The following ALG6 variants were observed in gnomAD, a reference collection of about 807,000 sequenced individuals.
ALG6 encodes ALG6 alpha-1,3-glucosyltransferase.
Under a neutral mutation model 66.6 loss-of-function variants are expected in ALG6, and 46 were observed. The observed-to-expected ratio is 0.69, with a 90% CI of 0.55 to 0.88. The LOEUF (loss-of-function observed/expected upper bound fraction) is 0.88. Among genes scored for constraint, ALG6 ranks in the 40% least tolerant of loss-of-function variants. The pLI, the probability that ALG6 is intolerant of heterozygous loss-of-function variation, is 0.00. For missense variants in ALG6, 505 were observed against 586.8 expected (o/e 0.86, Z 1.44); for synonymous variants, 185 against 203.7 (o/e 0.91, Z 0.78).
At chr1:63,425,086 T>G (rs945338447) in intron 12 of ALG6, among the ~76,000 whole-genome samples, 1 of 152,140 alleles carries the variant, frequency 6.6e-6, no homozygotes, top group Non-Finnish European at 1.5e-5. Flanking sequence ...AGTTGAGTTT[T>G]TATATATGGT....
At chr1:63,411,449 T>G in intron 8 of ALG6, 118 bp downstream of exon 8, 1 of 967,722 alleles carries the variant, frequency 1.0e-6, no homozygotes, top group Non-Finnish European at 1.5e-6. Context: ...ATAAATATTT[T>G]GGCTGTAGGG....
At chr1:63,423,809 A>C (rs1004834860) in intron 12 of ALG6, among the ~76,000 whole-genome samples, 2 of 152,154 alleles carry the variant, frequency 1.3e-5, no homozygotes, top group Non-Finnish European at 2.9e-5. Context: ...ATTCATGTAC[A>C]AGTTTTTGTT....
At chr1:63,372,387 A>G (rs1351052343) in intron 2 of ALG6, among the ~76,000 whole-genome samples, 1 of 152,122 alleles carries the variant, frequency 6.6e-6, no homozygotes, top group Non-Finnish European at 1.5e-5. Flanking sequence ...ACAGACACAC[A>G]TTTACTCTCT....
chr1:63,369,615 GCAAAGCTC>G (rs1429362610), intron 1 of ALG6, among the ~76,000 whole-genome samples: 5 of 149,742 alleles, frequency 3.3e-5, no homozygotes, highest in Admixed American at 2.7e-4. Context: ...GGCAACAAGA[GCAAAGCTC>G]CATCTCAAAA....
At chr1:63,400,626 C>T (rs1464927342) in intron 3 of ALG6, among the ~76,000 whole-genome samples, 1 of 151,784 alleles carries the variant, frequency 6.6e-6, no homozygotes, top group Non-Finnish European at 1.5e-5. Flanking sequence ...TTTTACTCAT[C>T]TCCAGTGGAT....
chr1:63,414,126 T>C lies in ALG6; in HGVS notation c.882T>C (p.Arg294=), dbSNP rs145894044. The C allele has an allele frequency of 4.3e-5, 69 of 1,610,660 alleles. No individual in the cohort carries two copies. In the African/African-American group the frequency reaches 6.8e-4, roughly 16 times the overall value. The change falls in exon 10 of 15, where the codon CGT becomes CGC. Residue 294 remains arginine (R), a synonymous_variant. Coordinates refer to ENST00000263440, the MANE Select transcript of ALG6 (RefSeq NM_013339.4). ...TGAAGATTAAGGATATTTTGCCACG[T>C]CACATCCAATTAATAATGAGGTAAG... is the stretch of plus-strand genomic sequence containing the variant. ...VFLKIKDILP[R]HIQLIMSFCS...
chr1:63,379,646 G>C (rs1648239639), intron 2 of ALG6, among the ~76,000 whole-genome samples: 1 of 151,394 alleles, frequency 6.6e-6, no homozygotes, highest in Non-Finnish European at 1.5e-5. Flanking sequence ...GTTGTTTCTG[G>C]GGCCTCTAAG....
intron 12 of ALG6, among the ~76,000 whole-genome samples, chr1:63,422,963 A>G (rs1365914357): frequency 6.6e-6 from 1 of 152,144 alleles, no homozygotes; most frequent in African/African-American, 2.4e-5. Flanking sequence ...CTCAAAAAAC[A>G]AAGGAAACAA....
chr1:63,409,604 A>G (rs185713847), intron 7 of ALG6, among the ~76,000 whole-genome samples: 2 of 152,100 alleles, frequency 1.3e-5, no homozygotes, highest in Admixed American at 6.6e-5. Flanking sequence ...TTTTTTTGGT[A>G]AAGTTCACTA....
intron 2 of ALG6, among the ~76,000 whole-genome samples, chr1:63,387,407 G>A (rs1648532144): frequency 1.3e-5 from 2 of 151,608 alleles, no homozygotes; most frequent in African/African-American, 2.4e-5. Flanking sequence ...ACTCTCTTTA[G>A]CTCTAATAAT....
intron 14 of ALG6, 109 bp from the exon 15 acceptor site, chr1:63,436,714 C>A: frequency 1.9e-6 from 2 of 1,077,056 alleles, no homozygotes; most frequent in Non-Finnish European, 2.8e-6. Context: ...TAAATTAGAC[C>A]CTCAACCCTC....
rs1170115540 is a variant in ALG6 at position 63,428,848 on chromosome 1, CTAATT to C, written c.1127+51_1127+55del. ...ATATTTTCAGTATAATTCTTGTAAACTAATTTAAAACTTTTTTATGAAGTGGTTAT... is the reference window on the plus strand; with the variant it reads ...ATATTTTCAGTATAATTCTTGTAAACTAAAACTTTTTTATGAAGTGGTTAT... On this transcript the variant is annotated intron_variant, in intron 13 of 14. Transcript: ENST00000263440. 6 of 1,586,734 alleles carry C rather than the reference CTAATT, an allele frequency of 3.8e-6. No individual in the cohort carries two copies. The Admixed American group carries it at 1.0e-4, about 27-fold the overall frequency.
chr1:63,417,699 C>T (rs1202540670), intron 11 of ALG6, among the ~76,000 whole-genome samples: 3 of 152,116 alleles, frequency 2.0e-5, no homozygotes, highest in Non-Finnish European at 4.4e-5. Context: ...CCAGGTCCTC[C>T]TCTAGGTACT....
At chr1:63,432,814 G>C (rs917919781) in intron 14 of ALG6, among the ~76,000 whole-genome samples, 2 of 152,168 alleles carry the variant, frequency 1.3e-5, no homozygotes, top group Non-Finnish European at 2.9e-5. Context: ...TTGCCTAGGC[G>C]GGAGTGCGGT....
chr1:63,374,917 A>G (rs1346291110), intron 2 of ALG6, among the ~76,000 whole-genome samples: 2 of 152,168 alleles, frequency 1.3e-5, no homozygotes, highest in Non-Finnish European at 2.9e-5. Flanking sequence ...TACATACTAC[A>G]TAAAAATGTA....
chr1:63,406,846 T>C (rs1410513040), intron 6 of ALG6, among the ~76,000 whole-genome samples: 1 of 152,118 alleles, frequency 6.6e-6, no homozygotes, highest in Non-Finnish European at 1.5e-5. Flanking sequence ...TTAGTGGTTT[T>C]GTTTTTCCTT....
At chr1:63,381,467 A>G (rs1240725114) in intron 2 of ALG6, among the ~76,000 whole-genome samples, 2 of 151,826 alleles carry the variant, frequency 1.3e-5, no homozygotes, top group African/African-American at 4.8e-5. Context: ...ACAAAAACAA[A>G]TACAAAAACA....
At position 63,433,612 on chromosome 1, in the gene ALG6, T is replaced by C. The variant is rs895069233; in HGVS notation, c.1327-3211T>C. Among the ~76,000 whole-genome samples, 1 of 152,230 alleles carries C rather than the reference T, an allele frequency of 6.6e-6. No homozygotes were observed. The highest frequency in any genetic ancestry group is 2.4e-5 in the African/African-American group (1 of 41,466). On this transcript the variant is annotated intron_variant, in intron 14 of 14. Coordinates refer to ENST00000263440, the MANE Select transcript of ALG6 (RefSeq NM_013339.4). This position sits in a 1 kb window ranked among gnomAD's most constrained non-coding sequence, Gnocchi z 4.2. ...AGATTCCTGAGTGTATGTCAAAATCTAGCCCTATTGTGATATTCACAATCT... is the reference window on the plus strand; with the variant it reads ...AGATTCCTGAGTGTATGTCAAAATCCAGCCCTATTGTGATATTCACAATCT...
chr1:63,369,454 C>T (rs1184619899), intron 1 of ALG6, among the ~76,000 whole-genome samples: 2 of 151,936 alleles, frequency 1.3e-5, no homozygotes, highest in Admixed American at 1.3e-4. Context: ...TCTGGTGAAA[C>T]CCCGTCTCTA....
Sources: gnomAD v4.1 joint callset for allele counts (sites outside exome capture counted in the v4.1 genomes callset) on GRCh38, gnomAD v4.1.1 for gene constraint, Gnocchi (gnomAD v3.1) non-coding constraint, MANE v1.5 for transcripts, NCBI Gene and HGNC (gene_info 2026-07-23, HGNC 2026-07-21) for gene names.